Variants in PTPN2 observed in about 807,000 individuals in gnomAD.
PTPN2 encodes the protein protein tyrosine phosphatase non-receptor type 2.
Under a neutral mutation model 57.3 loss-of-function variants are expected in PTPN2, and 19 were observed. The ratio of observed to expected loss-of-function variants is 0.33; its 90% confidence interval spans 0.23 to 0.49. The LOEUF is 0.49. Among genes scored for constraint, PTPN2 ranks in the 20% least tolerant of loss-of-function variants. The probability of loss-of-function intolerance (pLI) is 0.99; values close to 1 mark genes in which losing one functional copy is unlikely to be tolerated. For synonymous variants in PTPN2, 153 were observed against 164.9 expected (o/e 0.93, Z 0.55); for missense variants, 358 against 501.1 (o/e 0.71, Z 2.73).
chr18:12,844,335 C>T (rs1014487883), intron 2 of PTPN2, among the ~76,000 whole-genome samples: 1 of 152,210 alleles, frequency 6.6e-6, no homozygotes, highest in Non-Finnish European at 1.5e-5. Flanking sequence ...GCTAAGTATA[C>T]GTTCAGCTTT....
intron 2 of PTPN2, among the ~76,000 whole-genome samples, chr18:12,850,048 C>G (rs761176868): frequency 6.6e-6 from 1 of 152,116 alleles, no homozygotes; most frequent in Non-Finnish European, 1.5e-5. Flanking sequence ...CTTACCGAGG[C>G]TAACATTTAG....
At chr18:12,789,494 T>C (rs946788858), downstream of PTPN2, among the ~76,000 whole-genome samples, 1 of 152,248 alleles carries the variant, frequency 6.6e-6, no homozygotes, top group Non-Finnish European at 1.5e-5. Context: ...AGAGACTTCA[T>C]TAGCTGTTGG....
chr18:12,865,720 G>A (rs1188464359), intron 1 of PTPN2, among the ~76,000 whole-genome samples: 2 of 151,908 alleles, frequency 1.3e-5, no homozygotes, highest in African/African-American at 4.8e-5. Flanking sequence ...CCAGCTACTC[G>A]GAAGGCTGAG....
intron 5 of PTPN2, among the ~76,000 whole-genome samples, chr18:12,821,890 A>G (rs1004019828): frequency 2.6e-5 from 4 of 152,190 alleles, no homozygotes; most frequent in African/African-American, 9.7e-5. Flanking sequence ...GTGTTTTACA[A>G]CAATCACTCA....
rs2041077347 is a variant in PTPN2 at position 12,794,217 on chromosome 18, C to G, written c.*61G>C. Reference sequence around the variant, plus strand: ...TGAGGCGTTTGCTGCAGACAAACCCCTATGATTAATGTAGCACTGTCAGTT... The same window carrying G: ...TGAGGCGTTTGCTGCAGACAAACCCGTATGATTAATGTAGCACTGTCAGTT... On this transcript the variant is annotated 3_prime_UTR_variant, in exon 9 of 9. Coordinates refer to ENST00000309660, the MANE Select transcript of PTPN2 (RefSeq NM_002828.4). 6.2e-7 allele frequency: 1 copy of G among 1,603,730 alleles called. No homozygotes were observed. Among genetic ancestry groups the G allele is most frequent in the Non-Finnish European group, 8.5e-7 (1 of 1,175,472 alleles).
chr18:12,841,418 A>C (rs1469330041), intron 2 of PTPN2, among the ~76,000 whole-genome samples: 1 of 152,264 alleles, frequency 6.6e-6, no homozygotes, highest in Non-Finnish European at 1.5e-5. Flanking sequence ...TCTCAGCAGC[A>C]TAGAAGATGG....
chr18:12,790,413 T>G (rs1196882495), downstream of PTPN2, among the ~76,000 whole-genome samples: 6 of 152,200 alleles, frequency 3.9e-5, no homozygotes, highest in East Asian at 1.2e-3. Context: ...TCAGGGATAT[T>G]TTTTCTCAGA....
At chr18:12,869,574 G>A (rs139806108) in intron 1 of PTPN2, among the ~76,000 whole-genome samples, 3 of 152,096 alleles carry the variant, frequency 2.0e-5, no homozygotes, top group Admixed American at 6.5e-5. Context: ...TTAGTATTTC[G>A]TACATAGCTT....
intron 2 of PTPN2, among the ~76,000 whole-genome samples, chr18:12,854,306 G>C (rs2043501471): frequency 6.7e-6 from 1 of 148,848 alleles, no homozygotes; most frequent in South Asian, 2.1e-4. Flanking sequence ...GTTGCAGTGA[G>C]CCGAGACGGT....
chr18:12,854,799 C>T (rs1055614394), intron 2 of PTPN2, among the ~76,000 whole-genome samples: 3 of 152,022 alleles, frequency 2.0e-5, no homozygotes, highest in Non-Finnish European at 2.9e-5. Flanking sequence ...GGAGGAGACA[C>T]CCTGAAAATA....
At chr18:12,829,410 C>T (rs1011664612) in intron 4 of PTPN2, among the ~76,000 whole-genome samples, 4 of 149,480 alleles carry the variant, frequency 2.7e-5, no homozygotes, top group Middle Eastern at 3.5e-3. Context: ...GAGGCTGAGA[C>T]GGGAGAATCT....
At chr18:12,809,729 T>C (rs980760711) in intron 7 of PTPN2, among the ~76,000 whole-genome samples, 5 of 152,362 alleles carry the variant, frequency 3.3e-5, no homozygotes, top group Non-Finnish European at 5.9e-5. Flanking sequence ...TTAGAACTTA[T>C]GGAATATTCA....
chr18:12,849,552 CCT>C (rs1252710485), intron 2 of PTPN2, among the ~76,000 whole-genome samples: 1 of 128,298 alleles, frequency 7.8e-6, no homozygotes, highest in Non-Finnish European at 1.6e-5. Context: ...AGAGCGAAAC[CCT>C]GTCTCAAAAA....
chr18:12,821,805 C>T (rs1568112597), intron 5 of PTPN2, among the ~76,000 whole-genome samples: 1 of 152,124 alleles, frequency 6.6e-6, no homozygotes, highest in Non-Finnish European at 1.5e-5. Context: ...GTCTTGTGCA[C>T]TGGACACAGA....
downstream of PTPN2, among the ~76,000 whole-genome samples, chr18:12,788,301 T>G (rs150741176): frequency 6.8e-4 from 104 of 152,274 alleles, no homozygotes; most frequent in African/African-American, 2.5e-3. Context: ...TGAAGCAGTT[T>G]CTGTAACATC....
intron 5 of PTPN2, among the ~76,000 whole-genome samples, chr18:12,822,904 T>C (rs1376453378): frequency 6.6e-6 from 1 of 152,182 alleles, no homozygotes. Flanking sequence ...ACTTGATCCT[T>C]AGAGCAATCC....
intron 2 of PTPN2, among the ~76,000 whole-genome samples, chr18:12,849,584 A>T (rs1265889094): frequency 2.0e-5 from 3 of 152,212 alleles, no homozygotes; most frequent in Non-Finnish European, 1.5e-5. Flanking sequence ...TAAAAAATAA[A>T]AAAGGTATTC....
intron 2 of PTPN2, among the ~76,000 whole-genome samples, chr18:12,849,543 GAGCGA>G (rs2043321061): frequency 6.7e-6 from 1 of 148,268 alleles, no homozygotes; most frequent in African/African-American, 2.5e-5. Context: ...TAAGCAACAA[GAGCGA>G]AACCCTGTCT....
chr18:12,861,680 A>C (rs906994957), intron 1 of PTPN2, among the ~76,000 whole-genome samples: 3 of 152,224 alleles, frequency 2.0e-5, no homozygotes, highest in South Asian at 2.1e-4. Context: ...ACAACAACAA[A>C]AACCTATTGA....
Sources: allele counts gnomAD v4.1 joint callset (sites outside exome capture counted in the v4.1 genomes callset), GRCh38; gene constraint gnomAD v4.1.1; transcripts MANE v1.5; gene names NCBI Gene and HGNC (gene_info 2026-07-23, HGNC 2026-07-21).